MRPS31: variants seen among roughly 807,000 people sequenced by gnomAD.
The protein encoded by MRPS31 is small ribosomal subunit protein mS31.
MRPS31 carries 32 observed loss-of-function variants against 43.1 expected under a neutral mutation model. The observed-to-expected ratio is 0.74, with a 90% CI of 0.56 to 1.00. MRPS31 has a LOEUF of 1.00. Among genes scored for constraint, MRPS31 ranks in the 50% least tolerant of loss-of-function variants. The pLI is 0.00. For synonymous variants in MRPS31, 165 were observed against 161.6 expected, an observed-to-expected ratio of 1.02 and a Z score of -0.16; for missense variants, 437 against 466.7, an observed-to-expected ratio of 0.94 and a Z score of 0.59.
At chr13:40,732,264 C>A (rs933903767) in intron 6 of MRPS31, among the ~76,000 whole-genome samples, 1 of 152,218 alleles carries the variant, frequency 6.6e-6, no homozygotes, top group African/African-American at 2.4e-5. Context: ...CTAGTCCCAT[C>A]CATTCACATG....
chr13:40,760,751 T>C (rs75924449), intron 2 of MRPS31, among the ~76,000 whole-genome samples: 4,661 of 151,954 alleles, frequency 0.031, 334 homozygotes, highest in East Asian at 0.28. Flanking sequence ...TATAGCCAAC[T>C]GCCACCATGC....
chr13:40,770,212 G>T (rs1254574304), intron 1 of MRPS31, among the ~76,000 whole-genome samples: 1 of 152,010 alleles, frequency 6.6e-6, no homozygotes, highest in Admixed American at 6.5e-5. Context: ...CATTCAGCTG[G>T]TCCTTCCCAT....
rs773551308 is a variant in MRPS31, at chr13:40,771,055, C to T, written c.82G>A (p.Ala28Thr). 4.3e-6 allele frequency: 7 copies of T among 1,614,024 alleles called. No homozygotes were observed. The highest frequency in any genetic ancestry group is 1.3e-5 in the African/African-American group (1 of 74,912). ...PLSSGSPETS[A>T]AAIMLLTVRH... ...ACAGTGAGTAGCATAATCGCAGCCG[C>T]TGATGTCTCCGGGCTTCCAGAGGAC... Residue 28 changes from alanine (A) to threonine (T), a missense_variant, in exon 1 of 7, where the codon GCG (alanine) becomes ACG (threonine). Physicochemically the swap from Ala to Thr is moderately conservative, Grantham distance 58 (BLOSUM62 0). Coordinates refer to ENST00000323563, the MANE Select transcript of MRPS31 (RefSeq NM_005830.4).
At chr13:40,752,929 G>A (rs960887837) in intron 5 of MRPS31, among the ~76,000 whole-genome samples, 2 of 151,906 alleles carry the variant, frequency 1.3e-5, no homozygotes, top group Non-Finnish European at 1.5e-5. Context: ...TTTAGAGAAA[G>A]GGGCTATGTT....
rs1256614619 is a variant in MRPS31, at chr13:40,750,380, TGTGTGTTTGC to T, written c.815-1109_815-1100del. Among the ~76,000 whole-genome samples, 12 of 152,236 alleles carry T rather than the reference TGTGTGTTTGC, an allele frequency of 7.9e-5. No homozygotes were observed. In the South Asian group the frequency reaches 2.5e-3, roughly 32 times the overall value. The stretch of plus-strand genomic sequence containing the variant: ...TTGCCTACATACTGTGTGTGGGGTG[TGTGTGTTTGC>T]GTGTATTGCAAAAGGACACAAGGAA... On this transcript the variant is annotated intron_variant, in intron 5 of 6. Coordinates refer to ENST00000323563, the MANE Select transcript of MRPS31 (RefSeq NM_005830.4).
intron 2 of MRPS31, among the ~76,000 whole-genome samples, chr13:40,763,764 A>C (rs887285082): frequency 6.6e-6 from 1 of 152,224 alleles, no homozygotes; most frequent in African/African-American, 2.4e-5. Flanking sequence ...AACAAGATAG[A>C]GGTAACACAC....
In MRPS31 at chr13:40,748,045, T is replaced by C. The variant is rs369678019; in HGVS notation, c.958+1093A>G. The stretch of plus-strand genomic sequence containing the variant: ...ATTATCAAAAATTAAGATATTACAA[T>C]GATACCATAACATTATGAAGGTTAA... On this transcript the variant is annotated intron_variant, in intron 6 of 6. Coordinates refer to ENST00000323563, the MANE Select transcript of MRPS31 (RefSeq NM_005830.4). Among the ~76,000 whole-genome samples, 192 of 152,320 alleles carry C rather than the reference T, an allele frequency of 1.3e-3. 1 individual carries two copies. The highest frequency in any genetic ancestry group is 4.5e-3 in the African/African-American group (188 of 41,574).
chr13:40,754,232 T>C (rs541134222), intron 4 of MRPS31, 140 bp from the exon 5 acceptor site: 38 of 506,778 alleles, frequency 7.5e-5, no homozygotes, highest in African/African-American at 5.4e-4. Context: ...ATTAGCTAAA[T>C]TGCCACATTT....
At position 40,729,341 on chromosome 13, in the gene MRPS31, CTAAT is replaced by C. The variant is rs1336638304; in HGVS notation, c.*27_*30del. ...TTTTATTTAGTTGTAATATCCATCT[CTAAT>C]TGTTTGAAATAAAAATTTCCATGGT... is the stretch of plus-strand genomic sequence containing the variant. On this transcript the variant is annotated 3_prime_UTR_variant, in exon 7 of 7. Transcript: ENST00000323563. The C allele has an allele frequency of 6.3e-6, 7 of 1,109,368 alleles. No homozygotes were observed. The highest frequency in any genetic ancestry group is 3.9e-6 in the Non-Finnish European group (3 of 762,116). The allele number at this position is 1,109,368 out of a possible 1,614,324, so 68.7% of individuals were successfully genotyped here. A position where few individuals can be genotyped will look rare whatever the true frequency, so the allele number is the denominator to read the frequency against.
chr13:40,742,593 A>G (rs1880132469), intron 6 of MRPS31, among the ~76,000 whole-genome samples: 1 of 152,152 alleles, frequency 6.6e-6, no homozygotes, highest in Admixed American at 6.5e-5. Context: ...TCTCCACACT[A>G]TACTTGCCCA....
intron 1 of MRPS31, among the ~76,000 whole-genome samples, chr13:40,768,801 G>C (rs1880919548): frequency 6.6e-6 from 1 of 152,150 alleles, no homozygotes; most frequent in East Asian, 1.9e-4. Context: ...AAACTCCCAG[G>C]TGACGCTAAC....
intron 6 of MRPS31, among the ~76,000 whole-genome samples, chr13:40,735,180 C>A (rs944616546): frequency 3.3e-5 from 5 of 152,172 alleles, no homozygotes; most frequent in Admixed American, 6.5e-5. Flanking sequence ...ACGGACGGCA[C>A]CTGGAAAATC....
At chr13:40,770,748 CAGG>C (rs1880983202) in intron 1 of MRPS31, 4 of 500,700 alleles carry the variant, frequency 8.0e-6, no homozygotes, top group African/African-American at 4.0e-5. Flanking sequence ...GGTAAACTGA[CAGG>C]AGATGATGAC....
intron 6 of MRPS31, among the ~76,000 whole-genome samples, chr13:40,744,803 G>A (rs190354523): frequency 3.9e-5 from 6 of 152,016 alleles, no homozygotes; most frequent in South Asian, 4.2e-4. Context: ...TAGTAGAGGC[G>A]GGGTTTCGCC....
At chr13:40,739,788 T>G (rs1306176774) in intron 6 of MRPS31, among the ~76,000 whole-genome samples, 1 of 151,030 alleles carries the variant, frequency 6.6e-6, no homozygotes, top group African/African-American at 2.4e-5. Flanking sequence ...AAAAATCAAT[T>G]CAAGATGGAT....
intron 5 of MRPS31, among the ~76,000 whole-genome samples, chr13:40,753,535 A>G (rs778636519): frequency 3.9e-5 from 6 of 152,150 alleles, no homozygotes; most frequent in Non-Finnish European, 8.8e-5. Flanking sequence ...GTTACTTAAG[A>G]GTGTATGTGT....
intron 6 of MRPS31, among the ~76,000 whole-genome samples, chr13:40,747,450 G>C (rs1232598087): frequency 6.6e-6 from 1 of 152,098 alleles, no homozygotes; most frequent in Non-Finnish European, 1.5e-5. Context: ...CTGCTACTCA[G>C]GTTTGTACGA....
chr13:40,750,239 A>T (rs186732196), intron 5 of MRPS31, among the ~76,000 whole-genome samples: 200 of 152,312 alleles, frequency 1.3e-3, no homozygotes, highest in Non-Finnish European at 2.2e-3. Flanking sequence ...TGAATCTCAA[A>T]TCATTATGCT....
intron 6 of MRPS31, among the ~76,000 whole-genome samples, chr13:40,730,608 TGGAGTG>T (rs1879657261): frequency 1.3e-5 from 2 of 152,198 alleles, no homozygotes; most frequent in Admixed American, 1.3e-4. Context: ...TCGCCCAGGC[TGGAGTG>T]CAATGGTGCA....
Sources: allele counts gnomAD v4.1 joint callset (sites outside exome capture counted in the v4.1 genomes callset), GRCh38; gene constraint gnomAD v4.1.1; transcripts MANE v1.5; gene names NCBI Gene and HGNC (gene_info 2026-07-23, HGNC 2026-07-21).